The following RAG1 variants were observed in gnomAD, a reference collection of about 807,000 sequenced individuals.
RAG1 encodes recombination activating 1.
RAG1 carries 35 observed loss-of-function variants against 62.7 expected under a neutral mutation model. That is an observed-to-expected ratio of 0.56 (90% CI 0.43 to 0.74). The LOEUF is 0.74. RAG1 is among the 30% of genes least tolerant of loss of function. The pLI, the probability that RAG1 is intolerant of heterozygous loss-of-function variation, is 0.00. For synonymous variants in RAG1, 461 were observed against 470.3 expected (o/e 0.98, Z 0.26); for missense variants, 1,169 against 1,278.6 (o/e 0.91, Z 1.31).
At chr11:36,559,342 A>G (rs994893886) in intron 3 of RAG1, among the ~76,000 whole-genome samples, 5 of 152,180 alleles carry the variant, frequency 3.3e-5, no homozygotes, top group African/African-American at 1.2e-4. Context: ...AAAGTGCTTC[A>G]GAGAGAATCT....
At chr11:36,547,341 GT>G (rs1245721518) in intron 3 of RAG1, among the ~76,000 whole-genome samples, 1 of 151,982 alleles carries the variant, frequency 6.6e-6, no homozygotes, top group Non-Finnish European at 1.5e-5. Flanking sequence ...CCAGAAGCTG[GT>G]TTTTTGAAAA....
chr11:36,531,678 G>C (rs1037790395), intron 2 of RAG1, among the ~76,000 whole-genome samples: 11 of 151,944 alleles, frequency 7.2e-5, no homozygotes, highest in Admixed American at 1.3e-4. Flanking sequence ...AACGCAAGAG[G>C]AGAAGGGAAG....
Position 36,574,168 on chromosome 11 carries a change from G to A in RAG1, c.864G>A (p.Val288=), listed in dbSNP as rs1443428068. 1.2e-6 allele frequency: 2 copies of A among 1,614,192 alleles called. No individual in the cohort carries two copies. Among genetic ancestry groups the A allele is most frequent in the South Asian group, 2.2e-5 (2 of 91,080 alleles). ...CAGTGGACTTCCCAGAGCACTTTGT[G>A]AAATCCATCTCCTGCCAGATCTGTG... ...LLAVDFPEHF[V]KSISCQICEH... Residue 288 remains valine, a synonymous_variant, in exon 2 of 2, where the codon GTG becomes GTA. Coordinates refer to ENST00000299440, the MANE Select transcript of RAG1 (RefSeq NM_000448.3).
At position 36,575,678 on chromosome 11, in the gene RAG1, C is replaced by T. The variant is rs866509921; in HGVS notation, c.2374C>T (p.Pro792Ser). ...VSAKPFIETVPSIDALHCDIG... is the reference protein window; with the variant it reads ...VSAKPFIETVSSIDALHCDIG... ...AGCTAAACCTTTCATTGAGACAGTCCCTTCCATAGATGCACTCCACTGTGA... is the reference window on the plus strand; with the variant it reads ...AGCTAAACCTTTCATTGAGACAGTCTCTTCCATAGATGCACTCCACTGTGA... Residue 792 changes from proline (P) to serine (S), a missense_variant, in exon 2 of 2, where the codon CCT becomes TCT. Around this residue, in one of 2 missense-constraint regions of RAG1, gnomAD observed 800 missense variants for 943.3 expected, o/e 0.85. Transcript: ENST00000299440. The surrounding 1 kb of genome is among the most constrained non-coding windows in gnomAD (Gnocchi z 4.1). 1.2e-6 allele frequency: 2 copies of T among 1,614,174 alleles called. No homozygotes were observed. The highest frequency in any genetic ancestry group is 1.7e-6 in the Non-Finnish European group (2 of 1,180,016).
At position 36,574,157 on chromosome 11, in the gene RAG1, G is replaced by C. The variant is rs764156288; in HGVS notation, c.853G>C (p.Glu285Gln). 27 of 1,614,056 alleles carry C rather than the reference G, an allele frequency of 1.7e-5. No individual in the cohort carries two copies. Among genetic ancestry groups the C allele is most frequent in the Non-Finnish European group, 2.2e-5 (26 of 1,180,052 alleles). The stretch of plus-strand genomic sequence containing the variant: ...CAAGCTCCTTGCAGTGGACTTCCCA[G>C]AGCACTTTGTGAAATCCATCTCCTG... ...STKLLAVDFP[E>Q]HFVKSISCQI... The change falls in exon 2 of 2, where the codon GAG becomes CAG. Residue 285 changes from glutamate (E) to glutamine (Q), a missense_variant. Physicochemically the swap from Glu to Gln is conservative, Grantham distance 29. Transcript: ENST00000299440.
At chr11:36,550,717 T>G (rs111627135) in intron 3 of RAG1, among the ~76,000 whole-genome samples, 9 of 152,274 alleles carry the variant, frequency 5.9e-5, no homozygotes, top group African/African-American at 1.9e-4. Context: ...TTCTCTTGCC[T>G]AGTTGGACTT....
intron 2 of RAG1, among the ~76,000 whole-genome samples, chr11:36,520,829 C>A (rs1054639619): frequency 2.0e-5 from 3 of 152,102 alleles, no homozygotes; most frequent in Non-Finnish European, 4.4e-5. Context: ...GCTTTCCTTT[C>A]CTTCTTTCAT....
At chr11:36,544,066 T>C (rs1005718548) in intron 3 of RAG1, among the ~76,000 whole-genome samples, 1 of 152,234 alleles carries the variant, frequency 6.6e-6, no homozygotes, top group African/African-American at 2.4e-5. Flanking sequence ...TTTCCACAAT[T>C]CATGAACCAG....
At chr11:36,547,553 T>C (rs557044266) in intron 3 of RAG1, among the ~76,000 whole-genome samples, 14 of 152,110 alleles carry the variant, frequency 9.2e-5, no homozygotes, top group Admixed American at 4.6e-4. Flanking sequence ...TGGACACATA[T>C]ACCCTCCCAA....
rs898762722 is a variant in RAG1 at position 36,577,914 on chromosome 11, C to T, written c.*1478C>T. The T allele has an allele frequency of 1.8e-5, 3 of 167,174 alleles. No individual in the cohort carries two copies. In the East Asian group the frequency reaches 5.8e-4, roughly 32 times the overall value. 10.4% of individuals were successfully genotyped at this position (167,174 alleles called of 1,614,324 possible). A position where few individuals can be genotyped will look rare whatever the true frequency, so the allele number is the denominator to read the frequency against. On this transcript the variant is annotated 3_prime_UTR_variant, in exon 2 of 2. Coordinates refer to ENST00000299440, the MANE Select transcript of RAG1 (RefSeq NM_000448.3). ...AGCAAGTTTTTAAATCATTTGTGTG[C>T]TCTGGCTCTTTTGATAGAAGAAAGC...
Position 36,577,519 on chromosome 11 carries a change from C to T in RAG1, c.*1083C>T, listed in dbSNP as rs4151040. ...GATTCAGAATTGTGTAGCAGGATAA[C>T]CTTGTATTTTTCCATCCGCTAAGTT... On this transcript the variant is annotated 3_prime_UTR_variant, in exon 2 of 2. Transcript: ENST00000299440. 12,361 of 167,062 alleles carry T rather than the reference C, an allele frequency of 0.074. 505 individuals are homozygous for T. The highest frequency in any genetic ancestry group is 0.081 in the Middle Eastern group (24 of 296). 10.3% of individuals were successfully genotyped at this position (167,062 alleles called of 1,614,324 possible).
chr11:36,543,026 C>T (rs1283139370), intron 3 of RAG1, among the ~76,000 whole-genome samples: 1 of 152,236 alleles, frequency 6.6e-6, no homozygotes, highest in Non-Finnish European at 1.5e-5. Context: ...CTCGTTTTCT[C>T]TGTCACTTCA....
intron 2 of RAG1, chr11:36,535,938 T>C (rs910803562): frequency 6.6e-6 from 1 of 152,180 alleles, no homozygotes; most frequent in Non-Finnish European, 1.5e-5. Context: ...TATGTATAAT[T>C]TAGTTTCTGG....
intron 2 of RAG1, among the ~76,000 whole-genome samples, chr11:36,532,991 G>T (rs2133257529): frequency 6.6e-6 from 1 of 152,264 alleles, no homozygotes; most frequent in African/African-American, 2.4e-5. Context: ...AGCTATTATA[G>T]TTGCAGAACA....
At chr11:36,544,240 G>A (rs1238788260) in intron 3 of RAG1, among the ~76,000 whole-genome samples, 1 of 152,080 alleles carries the variant, frequency 6.6e-6, no homozygotes, top group African/African-American at 2.4e-5. Context: ...TCATCCAGAT[G>A]GACCCCAAAT....
chr11:36,575,493 G>T lies in RAG1; in HGVS notation c.2189G>T (p.Cys730Phe), dbSNP rs770771227. 4 of 1,614,092 alleles carry T rather than the reference G, an allele frequency of 2.5e-6. No individual in the cohort carries two copies. In the African/African-American group the frequency reaches 5.3e-5, roughly 22 times the overall value. ...GLEASGSVYICTLCDATRLEA... is the reference protein window; with the variant it reads ...GLEASGSVYIFTLCDATRLEA... ...GAGGCTTCTGGCTCAGTCTACATTT[G>T]TACTCTTTGTGATGCCACCCGTCTG... The change falls in exon 2 of 2, where the codon TGT becomes TTT. Residue 730 changes from cysteine to phenylalanine, a missense_variant. Cys to Phe is a radical substitution (Grantham distance 205). Around this residue, in one of 2 missense-constraint regions of RAG1, gnomAD observed 800 missense variants for 943.3 expected, o/e 0.85. Coordinates refer to ENST00000299440, the MANE Select transcript of RAG1 (RefSeq NM_000448.3). The surrounding 1 kb of genome is among the most constrained non-coding windows in gnomAD (Gnocchi z 4.1).
intron 3 of RAG1, among the ~76,000 whole-genome samples, chr11:36,544,459 T>C (rs1424696794): frequency 2.0e-5 from 3 of 152,204 alleles, no homozygotes; most frequent in Non-Finnish European, 2.9e-5. Context: ...AATTTCTCTC[T>C]AGTCTAGTTC....
chr11:36,561,260 C>T (rs1180374338), intron 3 of RAG1, among the ~76,000 whole-genome samples: 4 of 152,186 alleles, frequency 2.6e-5, no homozygotes, highest in Admixed American at 6.5e-5. Flanking sequence ...ACCTGGTTCT[C>T]CAGGCCTTGT....
At chr11:36,525,492 A>G (rs1451863132) in intron 2 of RAG1, among the ~76,000 whole-genome samples, 1 of 152,178 alleles carries the variant, frequency 6.6e-6, no homozygotes, top group East Asian at 1.9e-4. Context: ...GAGAATTCAT[A>G]CTTTTACTAT....
Sources: allele counts gnomAD v4.1 joint callset (sites outside exome capture counted in the v4.1 genomes callset), GRCh38; gene constraint gnomAD v4.1.1; regional missense constraint gnomAD v4.1.1; non-coding constraint Gnocchi (gnomAD v3.1); transcripts MANE v1.5; gene names NCBI Gene and HGNC (gene_info 2026-07-23, HGNC 2026-07-21).